SSPN: variants seen among roughly 807,000 people sequenced by gnomAD.
SSPN encodes the protein sarcospan.
SSPN carries 15 observed loss-of-function variants against 19.1 expected under a neutral mutation model. The ratio of observed to expected loss-of-function variants is 0.78; its 90% CI spans 0.52 to 1.21. The LOEUF is 1.21. SSPN is among the 50% of genes most tolerant of loss of function. SSPN has a pLI of 0.00. For missense variants in SSPN, 291 were observed against 314.0 expected (o/e 0.93, Z 0.55); for synonymous variants, 147 against 140.3 (o/e 1.05, Z -0.34).
chr12:26,162,780 T>C (rs1944596974), intron 1 of SSPN, among the ~76,000 whole-genome samples: 1 of 151,988 alleles, frequency 6.6e-6, no homozygotes, highest in South Asian at 2.1e-4. Context: ...GTTTAAAGAG[T>C]TTTGTTTGGT....
At chr12:26,202,557 C>A (rs567560117) in intron 1 of SSPN, among the ~76,000 whole-genome samples, 1 of 152,300 alleles carries the variant, frequency 6.6e-6, no homozygotes, top group South Asian at 2.1e-4. Context: ...CCACTCTTAA[C>A]CTTTTACGAA....
chr12:26,161,774 T>C (rs1944590612), intron 1 of SSPN, among the ~76,000 whole-genome samples: 1 of 152,206 alleles, frequency 6.6e-6, no homozygotes. Flanking sequence ...ACTCCCATCA[T>C]GAGGTATTAG....
upstream of SSPN, among the ~76,000 whole-genome samples, chr12:26,193,344 T>C (rs1565683090): frequency 2.0e-5 from 3 of 152,226 alleles, no homozygotes; most frequent in Admixed American, 2.0e-4. Flanking sequence ...TTAATCCAAT[T>C]ACTTAATAAT....
chr12:26,194,303 G>T (rs1271526432), upstream of SSPN, among the ~76,000 whole-genome samples: 1 of 152,226 alleles, frequency 6.6e-6, no homozygotes, highest in Non-Finnish European at 1.5e-5. Flanking sequence ...CATTGTAGGT[G>T]CTTTAAAAAT....
intron 1 of SSPN, among the ~76,000 whole-genome samples, chr12:26,160,848 C>T (rs1056049449): frequency 6.6e-6 from 1 of 152,128 alleles, no homozygotes; most frequent in African/African-American, 2.4e-5. Context: ...TGGCTCACGC[C>T]TGCAATCCCA....
At chr12:26,206,198 G>C (rs771410651) in intron 1 of SSPN, among the ~76,000 whole-genome samples, 20 of 152,122 alleles carry the variant, frequency 1.3e-4, no homozygotes, top group Non-Finnish European at 2.8e-4. Flanking sequence ...AGGCGAGGGG[G>C]AAATGTAGGA....
intron 1 of SSPN, among the ~76,000 whole-genome samples, chr12:26,175,359 C>T (rs779197177): frequency 4.6e-5 from 7 of 152,102 alleles, no homozygotes; most frequent in Non-Finnish European, 7.4e-5. Flanking sequence ...AAGTGTCTGT[C>T]CAAATCTTTT....
At chr12:26,217,518 C>T (rs1945067250) in intron 1 of SSPN, among the ~76,000 whole-genome samples, 1 of 82,224 alleles carries the variant, frequency 1.2e-5, no homozygotes, top group South Asian at 4.9e-4. Flanking sequence ...ATGTCGTCTG[C>T]AAACAGGGAC....
intron 1 of SSPN, among the ~76,000 whole-genome samples, chr12:26,215,265 A>G (rs546708571): frequency 6.6e-6 from 1 of 152,308 alleles, no homozygotes; most frequent in South Asian, 2.1e-4. Context: ...CCCACAAATC[A>G]GGAAATAAGT....
intron 1 of SSPN, among the ~76,000 whole-genome samples, chr12:26,154,066 A>G (rs898579446): frequency 1.3e-5 from 2 of 152,210 alleles, no homozygotes; most frequent in African/African-American, 4.8e-5. Flanking sequence ...TTACATTTAG[A>G]GCAGATATGT....
intron 1 of SSPN, among the ~76,000 whole-genome samples, chr12:26,144,155 T>C (rs1195364401): frequency 6.6e-6 from 1 of 152,208 alleles, no homozygotes; most frequent in African/African-American, 2.4e-5. Flanking sequence ...ATGGAAAAAT[T>C]GTCTTCCATG....
intron 1 of SSPN, among the ~76,000 whole-genome samples, chr12:26,219,322 AG>A (rs895115854): frequency 1.1e-4 from 16 of 152,270 alleles, no homozygotes; most frequent in African/African-American, 3.1e-4. Flanking sequence ...CAAGACCAAA[AG>A]GGAAAAAAAA....
chr12:26,137,383 C>T (rs1944431841), intron 1 of SSPN, among the ~76,000 whole-genome samples: 2 of 151,990 alleles, frequency 1.3e-5, no homozygotes, highest in African/African-American at 4.8e-5. Context: ...CTTCATTATG[C>T]CAGAAAGAGC....
intron 2 of SSPN, among the ~76,000 whole-genome samples, chr12:26,227,067 T>G (rs1008581612): frequency 6.6e-6 from 1 of 152,166 alleles, no homozygotes; most frequent in Non-Finnish European, 1.5e-5. Flanking sequence ...CGCGCCGGGC[T>G]TTTATCAAGA....
intron 1 of SSPN, among the ~76,000 whole-genome samples, chr12:26,136,307 T>G (rs1223293611): frequency 2.0e-5 from 3 of 152,158 alleles, no homozygotes; most frequent in Non-Finnish European, 2.9e-5. Flanking sequence ...TACCAAGGGA[T>G]AAGTGTGTTT....
chr12:26,187,316 G>C (rs970836058), intron 1 of SSPN, among the ~76,000 whole-genome samples: 2 of 152,242 alleles, frequency 1.3e-5, no homozygotes, highest in African/African-American at 4.8e-5. Context: ...GAGAGTTTTA[G>C]GCCCCCAAAA....
In SSPN at chr12:26,157,619, C is replaced by T. The variant is rs192091052; in HGVS notation, c.-31+35467C>T. On this transcript the variant is annotated intron_variant, in intron 1 of 2. Transcript: ENST00000538142. ...TCTCACACATACCCAGACTTTTGCGCTAGGCTGAAAACACTAGAAATAATG... is the reference window on the plus strand; with the variant it reads ...TCTCACACATACCCAGACTTTTGCGTTAGGCTGAAAACACTAGAAATAATG... Among the ~76,000 whole-genome samples the T allele has an allele frequency of 6.4e-4, 97 of 152,278 alleles. 1 individual carries two copies. Among genetic ancestry groups the T allele is most frequent in the African/African-American group, 1.9e-3 (79 of 41,564 alleles).
At chr12:26,184,164 C>T (rs531580227) in intron 1 of SSPN, among the ~76,000 whole-genome samples, 2 of 152,316 alleles carry the variant, frequency 1.3e-5, no homozygotes, top group Non-Finnish European at 2.9e-5. Context: ...ACTCTAAAGC[C>T]TGCAGATGAC....
At chr12:26,156,681 C>T (rs563820128) in intron 1 of SSPN, among the ~76,000 whole-genome samples, 10 of 152,290 alleles carry the variant, frequency 6.6e-5, no homozygotes, top group African/African-American at 2.2e-4. Context: ...CTGACTGCGA[C>T]GGAAGTTTCA....
Sources: gnomAD v4.1 joint callset for allele counts (sites outside exome capture counted in the v4.1 genomes callset) on GRCh38, gnomAD v4.1.1 for gene constraint, MANE v1.5 for transcripts, NCBI Gene and HGNC (gene_info 2026-07-23, HGNC 2026-07-21) for gene names.